Variants in IL15 observed in about 807,000 individuals in gnomAD.
The protein encoded by IL15 is interleukin 15, also known as interleukin-15.
In IL15, 11 loss-of-function variants were observed where a neutral mutation model predicts 19.6. That is an observed-to-expected ratio of 0.56 (90% CI 0.35 to 0.93). The LOEUF is 0.93. Ranked by LOEUF, IL15 falls within the 40% of genes least tolerant of loss-of-function variation. IL15 has a pLI of 0.01. For missense variants in IL15, 197 were observed against 186.5 expected (o/e 1.06, Z -0.33); for synonymous variants, 58 against 59.6 (o/e 0.97, Z 0.12).
intron 2 of IL15, among the ~76,000 whole-genome samples, chr4:141,681,834 T>C (rs1728544218): frequency 6.6e-6 from 1 of 152,176 alleles, no homozygotes; most frequent in East Asian, 1.9e-4. Flanking sequence ...TAAGTGGTTG[T>C]TGGTGCAGAA....
At chr4:141,699,722 T>C (rs1252662133) in intron 2 of IL15, among the ~76,000 whole-genome samples, 3 of 152,184 alleles carry the variant, frequency 2.0e-5, no homozygotes, top group African/African-American at 7.2e-5. Context: ...AGTCCTTATG[T>C]GTTAGGTGCA....
chr4:141,700,525 C>T (rs1729249375), intron 2 of IL15, among the ~76,000 whole-genome samples: 1 of 152,060 alleles, frequency 6.6e-6, no homozygotes, highest in Non-Finnish European at 1.5e-5. Context: ...TTATAGGTTG[C>T]CTGATGCTTT....
At chr4:141,719,138 A>G (rs900689196) in intron 2 of IL15, 1 of 249,906 alleles carries the variant, frequency 4.0e-6, no homozygotes, top group Non-Finnish European at 7.6e-6. Flanking sequence ...ATCAGACAGA[A>G]CTGGCCTCAA....
intron 2 of IL15, among the ~76,000 whole-genome samples, chr4:141,695,818 T>TCACTATATATTCAGGATATATA (rs1579028601): frequency 1.3e-5 from 2 of 152,184 alleles, no homozygotes; most frequent in East Asian, 1.9e-4. Flanking sequence ...TTGTTTAAAT[T>TCACTATATATTCAGGATATATA]CACTATATAT....
chr4:141,639,487 A>G (rs1164686075), intron 1 of IL15, among the ~76,000 whole-genome samples: 1 of 152,222 alleles, frequency 6.6e-6, no homozygotes, highest in Non-Finnish European at 1.5e-5. Flanking sequence ...TCTAATCTGC[A>G]TCACTTTCTG....
intron 1 of IL15, among the ~76,000 whole-genome samples, chr4:141,637,407 G>C (rs1726896837): frequency 6.6e-6 from 1 of 151,988 alleles, no homozygotes; most frequent in Non-Finnish European, 1.5e-5. Context: ...AGTCAGGCCT[G>C]GGTCTGTATT....
At chr4:141,696,597 T>C (rs915950487) in intron 2 of IL15, among the ~76,000 whole-genome samples, 3 of 152,062 alleles carry the variant, frequency 2.0e-5, no homozygotes, top group African/African-American at 7.2e-5. Context: ...GTCTTCACAT[T>C]CGTTCAGAAA....
chr4:141,664,105 C>T (rs918316504), intron 2 of IL15, among the ~76,000 whole-genome samples: 14 of 152,102 alleles, frequency 9.2e-5, no homozygotes, highest in African/African-American at 3.4e-4. Context: ...AATTCTCAAC[C>T]CTGCTACTGA....
At chr4:141,679,157 C>T (rs1200051099) in intron 2 of IL15, among the ~76,000 whole-genome samples, 6 of 152,144 alleles carry the variant, frequency 3.9e-5, no homozygotes, top group Non-Finnish European at 8.8e-5. Flanking sequence ...CTTTTATTTA[C>T]TCAATGACTA....
At chr4:141,669,517 G>A (rs1728100215) in intron 2 of IL15, among the ~76,000 whole-genome samples, 1 of 152,172 alleles carries the variant, frequency 6.6e-6, no homozygotes, top group Non-Finnish European at 1.5e-5. Context: ...AGAGAGGTGT[G>A]GGCCCAGGGT....
At chr4:141,714,334 A>G (rs1416243538) in intron 2 of IL15, among the ~76,000 whole-genome samples, 1 of 151,884 alleles carries the variant, frequency 6.6e-6, no homozygotes, top group African/African-American at 2.4e-5. Context: ...TTACTCTGGC[A>G]CTTCCCACCC....
chr4:141,716,021 G>A (rs1392895908), intron 2 of IL15: 1 of 152,162 alleles, frequency 6.6e-6, no homozygotes, highest in Non-Finnish European at 1.5e-5. Context: ...AGGCAACTGT[G>A]TGACTACGAG....
chr4:141,709,328 T>A (rs1729636160), intron 2 of IL15, among the ~76,000 whole-genome samples: 1 of 152,166 alleles, frequency 6.6e-6, no homozygotes, highest in African/African-American at 2.4e-5. Context: ...GTGTAGGATG[T>A]CATGTATCTA....
intron 3 of IL15, 119 bp downstream of exon 3, chr4:141,719,595 G>A (rs959107878): frequency 3.9e-5 from 29 of 744,388 alleles, no homozygotes; most frequent in Non-Finnish European, 1.9e-5. Flanking sequence ...TATCACAGAT[G>A]TCTGTTCACA....
chr4:141,664,641 T>A (rs1727908956), intron 2 of IL15, among the ~76,000 whole-genome samples: 1 of 152,158 alleles, frequency 6.6e-6, no homozygotes, highest in South Asian at 2.1e-4. Flanking sequence ...ACACCAGTTG[T>A]TATTTGATTT....
At chr4:141,721,642 T>G (rs1730085463) in intron 4 of IL15, 1 of 518,920 alleles carries the variant, frequency 1.9e-6, no homozygotes, top group East Asian at 3.9e-5. Context: ...CTGCTTCTAT[T>G]TCATTGTGAT....
intron 2 of IL15, among the ~76,000 whole-genome samples, chr4:141,669,354 G>C (rs1038267281): frequency 7.9e-5 from 12 of 152,196 alleles, no homozygotes; most frequent in Non-Finnish European, 1.8e-4. Context: ...GGTGAAAGTA[G>C]TGTTGACTTA....
chr4:141,647,065 G>T (rs905806967), intron 1 of IL15, among the ~76,000 whole-genome samples: 2 of 152,094 alleles, frequency 1.3e-5, no homozygotes, highest in Non-Finnish European at 2.9e-5. Flanking sequence ...TTTCAAGGAA[G>T]ATTTGATATA....
At chr4:141,709,135 T>C (rs1729628351) in intron 2 of IL15, among the ~76,000 whole-genome samples, 2 of 151,824 alleles carry the variant, frequency 1.3e-5, no homozygotes, top group Admixed American at 1.3e-4. Flanking sequence ...CAATATTCAA[T>C]TTAATAGTTC....
Sources: gnomAD v4.1 joint callset for allele counts (sites outside exome capture counted in the v4.1 genomes callset) on GRCh38, gnomAD v4.1.1 for gene constraint, MANE v1.5 for transcripts, NCBI Gene and HGNC (gene_info 2026-07-23, HGNC 2026-07-21) for gene names.